Variants in EDNRB observed in about 807,000 individuals in gnomAD.
The protein encoded by EDNRB is endothelin receptor type B.
Under a neutral mutation model 46.4 loss-of-function variants are expected in EDNRB, and 18 were observed. That is an observed-to-expected ratio of 0.39 (90% CI 0.27 to 0.57). The LOEUF (loss-of-function observed/expected upper bound fraction) is 0.57. Among genes scored for constraint, EDNRB ranks in the 20% least tolerant of loss-of-function variants. The pLI is 0.61. For synonymous variants in EDNRB, 213 were observed against 204.9 expected (o/e 1.04, Z -0.34); for missense variants, 434 against 537.5 (o/e 0.81, Z 1.90).
At chr13:77,906,148 T>G (rs1231574852) in intron 1 of EDNRB, among the ~76,000 whole-genome samples, 1 of 151,758 alleles carries the variant, frequency 6.6e-6, no homozygotes, top group Non-Finnish European at 1.5e-5. Flanking sequence ...GTTGGACACA[T>G]GATGTTGGAA....
chr13:77,971,504 C>G (rs1306464375), intron 1 of EDNRB, among the ~76,000 whole-genome samples: 4 of 151,662 alleles, frequency 2.6e-5, no homozygotes. Context: ...CTCCAACTGC[C>G]ATTTTTTTTT....
rs369483813 is a variant in EDNRB, at chr13:77,896,605, G to A, written c.*1595C>T. On this transcript the variant is annotated 3_prime_UTR_variant, in exon 7 of 7. Transcript: ENST00000646607. ...AAAAATTTGGGCATATTTTAAGACC[G>A]AGTTAAAGCTCTTGGGCCCAATTTA... The A allele has an allele frequency of 3.6e-5, 56 of 1,539,324 alleles. No individual in the cohort carries two copies. The highest frequency in any genetic ancestry group is 1.2e-4 in the African/African-American group (9 of 72,546).
chr13:77,918,275 A>G lies in EDNRB; in HGVS notation c.299T>C (p.Phe100Ser). 3 of 1,614,038 alleles carry G rather than the reference A, an allele frequency of 1.9e-6. No homozygotes were observed. Among genetic ancestry groups the G allele is most frequent in the Non-Finnish European group, 1.7e-6 (2 of 1,180,002 alleles). ...GGACACAACCGTGTTGATGTATTTG[A>G]AAGTCTCCTTGATCTCGATGGGTCC... Reference protein sequence around the residue: ...CQGPIEIKETFKYINTVVSCL... With the variant: ...CQGPIEIKETSKYINTVVSCL... Residue 100 changes from phenylalanine to serine, a missense_variant, in exon 1 of 7, where the codon TTC (phenylalanine) becomes TCC (serine). Coordinates refer to ENST00000646607, the MANE Select transcript of EDNRB (RefSeq NM_001122659.3). The surrounding 1 kb of genome is among the most constrained non-coding windows in gnomAD (Gnocchi z 4.5).
chr13:77,913,763 C>A (rs1363012563), intron 1 of EDNRB, among the ~76,000 whole-genome samples: 1 of 152,180 alleles, frequency 6.6e-6, no homozygotes, highest in Non-Finnish European at 1.5e-5. Flanking sequence ...TTGATAGCAT[C>A]CCCAAGTATA....
rs563342610 is a variant in EDNRB at position 77,895,785 on chromosome 13, A to T, written c.*2415T>A. 6.6e-6 allele frequency: 1 copy of T among 152,178 alleles called. No homozygotes were observed. Among genetic ancestry groups the T allele is most frequent in the African/African-American group, 2.4e-5 (1 of 41,574 alleles). The allele number at this position is 152,178 out of a possible 1,614,324, so 9.4% of individuals were successfully genotyped here. On this transcript the variant is annotated 3_prime_UTR_variant, in exon 7 of 7. Transcript: ENST00000646607. ...ACACTTTTATAAAGTTAGCTACAGC[A>T]TACCCATGTTTTGCTATAAACTGTA...
intron 1 of EDNRB, among the ~76,000 whole-genome samples, chr13:77,944,072 T>C (rs1319723766): frequency 1.3e-5 from 2 of 152,076 alleles, no homozygotes; most frequent in Non-Finnish European, 2.9e-5. Flanking sequence ...TGTTTCACCT[T>C]TAAACATTCT....
At chr13:77,937,118 G>T (rs760370090) in intron 1 of EDNRB, among the ~76,000 whole-genome samples, 1 of 152,220 alleles carries the variant, frequency 6.6e-6, no homozygotes, top group African/African-American at 2.4e-5. Flanking sequence ...GGGCGGTAAA[G>T]CGTCTAAGGG....
intron 1 of EDNRB, among the ~76,000 whole-genome samples, chr13:77,926,719 G>A (rs187043579): frequency 6.6e-6 from 1 of 152,200 alleles, no homozygotes; most frequent in East Asian, 1.9e-4. Flanking sequence ...CACATTTTTG[G>A]GTATTTTTTC....
At chr13:77,914,880 T>C (rs951902742) in intron 1 of EDNRB, among the ~76,000 whole-genome samples, 2 of 152,194 alleles carry the variant, frequency 1.3e-5, no homozygotes, top group Non-Finnish European at 1.5e-5. Flanking sequence ...CTATATTCAT[T>C]AAACTCTAGA....
intron 1 of EDNRB, chr13:77,947,808 G>A (rs1880975428): frequency 6.8e-6 from 1 of 146,896 alleles, no homozygotes. Flanking sequence ...TAGAGACAGG[G>A]TCTCAATATG....
chr13:77,965,136 G>T (rs548272185), intron 1 of EDNRB, among the ~76,000 whole-genome samples: 37 of 152,208 alleles, frequency 2.4e-4, no homozygotes, highest in African/African-American at 8.2e-4. Context: ...TTACAGAAAG[G>T]TTTGCATATA....
At chr13:77,942,821 G>A (rs79061008) in intron 1 of EDNRB, among the ~76,000 whole-genome samples, 2,208 of 152,074 alleles carry the variant, frequency 0.015, 46 homozygotes, top group East Asian at 0.024. Context: ...GTTCTTAAGC[G>A]ATTATTATTT....
At chr13:77,957,450 A>G (rs938693555) in intron 1 of EDNRB, among the ~76,000 whole-genome samples, 5 of 152,232 alleles carry the variant, frequency 3.3e-5, no homozygotes, top group Admixed American at 3.3e-4. Flanking sequence ...GAAAATCACT[A>G]CGATATAGTA....
rs79807745 is a variant in EDNRB, at chr13:77,912,022, A to G, written c.483+6069T>C. The stretch of plus-strand genomic sequence containing the variant: ...CATGTTTCTCTAAAAATAATCAACT[A>G]TAGCATATTAGCTACACAGAGATAC... On this transcript the variant is annotated intron_variant, in intron 1 of 6. Transcript: ENST00000646607. Among the ~76,000 whole-genome samples, 1,036 of 152,224 alleles carry G rather than the reference A, an allele frequency of 6.8e-3. 3 individuals carry two copies. The highest frequency in any genetic ancestry group is 0.013 in the South Asian group (64 of 4,828).
chr13:77,899,756 A>G, intron 6 of EDNRB, 103 bp downstream of exon 6: 1 of 858,298 alleles, frequency 1.2e-6, no homozygotes, highest in Non-Finnish European at 1.9e-6. Flanking sequence ...GGGAAACTAT[A>G]AGATAATTTA....
chr13:77,949,082 G>A (rs539306807), intron 1 of EDNRB, among the ~76,000 whole-genome samples: 9 of 152,048 alleles, frequency 5.9e-5, no homozygotes, highest in African/African-American at 2.2e-4. Context: ...TATTTTTAAG[G>A]CACTTCAGGA....
At chr13:77,956,664 C>A (rs911301209) in intron 1 of EDNRB, among the ~76,000 whole-genome samples, 1 of 152,198 alleles carries the variant, frequency 6.6e-6, no homozygotes, top group East Asian at 1.9e-4. Context: ...AGAACTCTGA[C>A]ACAGGTCTTA....
intron 1 of EDNRB, among the ~76,000 whole-genome samples, chr13:77,926,819 A>C (rs1880252215): frequency 1.3e-5 from 2 of 152,264 alleles, no homozygotes; most frequent in Non-Finnish European, 2.9e-5. Flanking sequence ...GAAGGAAAAG[A>C]GGTTTAATTG....
chr13:77,940,529 T>C (rs1880712837), intron 1 of EDNRB, among the ~76,000 whole-genome samples: 1 of 152,216 alleles, frequency 6.6e-6, no homozygotes, highest in Non-Finnish European at 1.5e-5. Context: ...GGAGTTTTAG[T>C]GCAATAAGTC....
Sources: gnomAD v4.1 joint callset for allele counts (sites outside exome capture counted in the v4.1 genomes callset) on GRCh38, gnomAD v4.1.1 for gene constraint, Gnocchi (gnomAD v3.1) non-coding constraint, MANE v1.5 for transcripts, NCBI Gene and HGNC (gene_info 2026-07-23, HGNC 2026-07-21) for gene names.